IQCM: variants seen among roughly 807,000 people sequenced by gnomAD.
IQCM encodes the protein IQ domain-containing protein M.
In IQCM, 45 loss-of-function variants were observed where a neutral mutation model predicts 57.6. That is an observed-to-expected ratio of 0.78 (90% CI 0.62 to 1.00). The LOEUF (loss-of-function observed/expected upper bound fraction) is 1.00, where lower values mean the gene tolerates loss of function less well. Ranked by LOEUF, IQCM falls within the 50% of genes least tolerant of loss-of-function variation. The pLI is 0.00. For missense variants in IQCM, 468 were observed against 511.6 expected (o/e 0.91, Z 0.82); for synonymous variants, 148 against 158.9 (o/e 0.93, Z 0.51).
intron 5 of IQCM, among the ~76,000 whole-genome samples, chr4:149,713,801 C>G (rs553313067): frequency 6.6e-6 from 1 of 152,286 alleles, no homozygotes; most frequent in East Asian, 1.9e-4. Context: ...CTCATCCACT[C>G]TCATCTTCTT....
At chr4:149,380,070 T>C (rs1337170027) in intron 13 of IQCM, among the ~76,000 whole-genome samples, 1 of 152,162 alleles carries the variant, frequency 6.6e-6, no homozygotes, top group Non-Finnish European at 1.5e-5. Flanking sequence ...TCTCCCACCA[T>C]GATTGTGAGG....
At chr4:149,596,587 A>T (rs1000304920) in intron 8 of IQCM, among the ~76,000 whole-genome samples, 2 of 152,154 alleles carry the variant, frequency 1.3e-5, no homozygotes, top group Non-Finnish European at 1.5e-5. Flanking sequence ...GCATAAACCA[A>T]GATTTTTTAA....
intron 12 of IQCM, among the ~76,000 whole-genome samples, chr4:149,516,877 G>C (rs545958476): frequency 6.6e-6 from 1 of 152,042 alleles, no homozygotes; most frequent in Non-Finnish European, 1.5e-5. Flanking sequence ...AACAGGCTAA[G>C]AAGGGAGTTA....
rs141631113 is a variant in IQCM, at chr4:149,507,850, G to A, written c.1228+40605C>T. 9.3e-3 allele frequency among the ~76,000 whole-genome samples: 1,408 copies of A among 152,212 alleles called. 11 individuals carry two copies. The highest frequency in any genetic ancestry group is 0.024 in the South Asian group (117 of 4,820). On this transcript the variant is annotated intron_variant, in intron 12 of 13. Coordinates refer to ENST00000636793, the MANE Select transcript of IQCM (RefSeq NM_001363507.2). ...TCCAGGGCATGTGAAAGACCTTTGC[G>A]GCAGCCCCTCCCATCACAGACCCAG... is the stretch of plus-strand genomic sequence containing the variant.
intron 13 of IQCM, among the ~76,000 whole-genome samples, chr4:149,356,072 C>A (rs1028828610): frequency 6.6e-6 from 1 of 152,178 alleles, no homozygotes; most frequent in Non-Finnish European, 1.5e-5. Context: ...ATATCCTTTG[C>A]CCACTTTTTG....
At chr4:149,683,766 T>C (rs1762363660) in intron 6 of IQCM, among the ~76,000 whole-genome samples, 1 of 151,378 alleles carries the variant, frequency 6.6e-6, no homozygotes, top group Non-Finnish European at 1.5e-5. Flanking sequence ...AATGAAAGAT[T>C]CTAATGGAAG....
chr4:149,459,119 G>A (rs1479692000), intron 12 of IQCM, among the ~76,000 whole-genome samples: 1 of 152,140 alleles, frequency 6.6e-6, no homozygotes, highest in Non-Finnish European at 1.5e-5. Flanking sequence ...AATACCTCAA[G>A]AAAACTTATT....
At chr4:149,460,325 G>A (rs1415048737) in intron 12 of IQCM, among the ~76,000 whole-genome samples, 1 of 152,032 alleles carries the variant, frequency 6.6e-6, no homozygotes, top group Non-Finnish European at 1.5e-5. Context: ...CCCCTTATAA[G>A]ATACATGATT....
At chr4:149,712,366 ACAC>A (rs1427317633) in intron 5 of IQCM, among the ~76,000 whole-genome samples, 5 of 151,648 alleles carry the variant, frequency 3.3e-5, no homozygotes, top group Admixed American at 6.6e-5. Flanking sequence ...ACACACACAC[ACAC>A]AACACACATA....
intron 2 of IQCM, among the ~76,000 whole-genome samples, chr4:149,794,644 T>TA (rs1268084819): frequency 3.9e-5 from 6 of 151,990 alleles, no homozygotes; most frequent in South Asian, 2.1e-4. Context: ...CATATAATAA[T>TA]AAAAAAAGAC....
intron 12 of IQCM, among the ~76,000 whole-genome samples, chr4:149,438,300 A>T (rs1299826794): frequency 1.3e-5 from 2 of 152,114 alleles, no homozygotes; most frequent in Non-Finnish European, 2.9e-5. Flanking sequence ...TGTGAATGTT[A>T]TGCATTCACA....
In IQCM at chr4:149,749,583, C is replaced by T. The variant is rs141135457; in HGVS notation, c.-48-6844G>A. Among the ~76,000 whole-genome samples the T allele has an allele frequency of 2.4e-3, 363 of 152,016 alleles. 1 individual carries two copies. Among genetic ancestry groups the T allele is most frequent in the African/African-American group, 8.4e-3 (349 of 41,466 alleles). On this transcript the variant is annotated intron_variant, in intron 2 of 13. Coordinates refer to ENST00000636793, the MANE Select transcript of IQCM (RefSeq NM_001363507.2). Reference sequence around the variant, plus strand: ...CAAGGAGGGCCTCTGGAATACCTTCCAGGGGGTAGGCATTTCTTTATCAGA... The same window carrying T: ...CAAGGAGGGCCTCTGGAATACCTTCTAGGGGGTAGGCATTTCTTTATCAGA...
chr4:149,759,318 C>T (rs188708696), intron 2 of IQCM, among the ~76,000 whole-genome samples: 1 of 152,228 alleles, frequency 6.6e-6, no homozygotes, highest in Non-Finnish European at 1.5e-5. Flanking sequence ...AAATACACCA[C>T]GTAACGGTGA....
chr4:149,435,733 G>A (rs1735300406), intron 12 of IQCM, among the ~76,000 whole-genome samples: 3 of 151,912 alleles, frequency 2.0e-5, no homozygotes, highest in African/African-American at 4.8e-5. Flanking sequence ...GAATATTGAC[G>A]ATCCTGTGTA....
intron 8 of IQCM, among the ~76,000 whole-genome samples, chr4:149,602,259 T>G (rs756932038): frequency 9.9e-5 from 15 of 152,088 alleles, no homozygotes; most frequent in Non-Finnish European, 1.6e-4. Flanking sequence ...CATAAGGAAT[T>G]TGAACATTAC....
intron 2 of IQCM, among the ~76,000 whole-genome samples, chr4:149,753,620 T>C (rs1416433144): frequency 6.6e-6 from 1 of 151,826 alleles, no homozygotes; most frequent in Non-Finnish European, 1.5e-5. Context: ...TTAGGAGATA[T>C]ACCTAATGTA....
chr4:149,515,834 G>A (rs1475893451), intron 12 of IQCM, among the ~76,000 whole-genome samples: 1 of 152,318 alleles, frequency 6.6e-6, no homozygotes, highest in African/African-American at 2.4e-5. Context: ...GAAATTTGGG[G>A]AAAAGGTATG....
intron 2 of IQCM, among the ~76,000 whole-genome samples, chr4:149,767,511 T>TG (rs1244791753): frequency 1.2e-4 from 18 of 152,152 alleles, no homozygotes; most frequent in Admixed American, 1.2e-3. Flanking sequence ...ATTCAGCTCC[T>TG]GCAGTTTCAA....
At chr4:149,792,517 A>T (rs1455640311) in intron 2 of IQCM, among the ~76,000 whole-genome samples, 1 of 152,162 alleles carries the variant, frequency 6.6e-6, no homozygotes, top group East Asian at 1.9e-4. Context: ...ACACCAATTC[A>T]TCACAGGAAA....
Sources: gnomAD v4.1 joint callset for allele counts (sites outside exome capture counted in the v4.1 genomes callset) on GRCh38, gnomAD v4.1.1 for gene constraint, MANE v1.5 for transcripts, NCBI Gene and HGNC (gene_info 2026-07-23, HGNC 2026-07-21) for gene names.